The following MYCT1 variants were observed in gnomAD, a reference collection of about 807,000 sequenced individuals.
MYCT1 encodes the protein myc target protein 1.
A neutral mutation model predicts 15.0 loss-of-function variants in MYCT1; 12 were observed. The observed-to-expected ratio is 0.80, with a 90% CI of 0.51 to 1.29. The LOEUF (loss-of-function observed/expected upper bound fraction) is 1.29, where lower values mean the gene tolerates loss of function less well. Among genes scored for constraint, MYCT1 ranks in the 50% most tolerant of loss-of-function variants. The pLI, the probability that MYCT1 is intolerant of heterozygous loss-of-function variation, is 0.00. For synonymous variants in MYCT1, 104 were observed against 102.7 expected (o/e 1.01, Z -0.07); for missense variants, 287 against 279.1 (o/e 1.03, Z -0.20).
At chr6:152,739,418 T>C in the MYCT1 span, among the ~76,000 whole-genome samples, 3 of 151,898 alleles carry the variant, frequency 2.0e-5, no homozygotes, top group African/African-American at 4.8e-5. Context: ...TTGGTTTAAA[T>C]TGTGAATATT....
chr6:152,699,619 A>G (rs2099720983), intron 1 of MYCT1, among the ~76,000 whole-genome samples: 1 of 152,150 alleles, frequency 6.6e-6, no homozygotes, highest in African/African-American at 2.4e-5. Flanking sequence ...GTCTGTCTAA[A>G]TCAAATTCAT....
At chr6:152,701,585 G>A (rs755890342) in intron 1 of MYCT1, among the ~76,000 whole-genome samples, 1 of 152,030 alleles carries the variant, frequency 6.6e-6, no homozygotes, top group Non-Finnish European at 1.5e-5. Flanking sequence ...TGGGTGGAGG[G>A]GTGGAGGGGT....
rs567887166 is a variant in MYCT1, at chr6:152,722,674, G to T, written c.*421G>T. ...CACTTTAAAGAAAAATCTTCTAAGG[G>T]ATTTGGATTTTACTTTCTTTAGAAT... On this transcript the variant is annotated 3_prime_UTR_variant, in exon 2 of 2. Coordinates refer to ENST00000367245, the MANE Select transcript of MYCT1 (RefSeq NM_025107.3). The T allele has an allele frequency of 3.3e-5, 10 of 303,612 alleles. No individual in the cohort carries two copies. The East Asian group carries it at 9.8e-4, about 30-fold the overall frequency. The allele number at this position is 303,612 out of a possible 1,614,324, so 18.8% of individuals were successfully genotyped here.
chr6:152,700,563 G>A (rs1045254667), intron 1 of MYCT1, among the ~76,000 whole-genome samples: 1 of 152,130 alleles, frequency 6.6e-6, no homozygotes. Context: ...TTAAGTGCAA[G>A]GGTTGGCAAC....
chr6:152,702,585 T>C (rs1046003652), intron 1 of MYCT1, among the ~76,000 whole-genome samples: 2 of 152,080 alleles, frequency 1.3e-5, no homozygotes, highest in South Asian at 2.1e-4. Flanking sequence ...TTCTTTAGCC[T>C]GTAGAAAAAT....
At chr6:152,717,841 C>T (rs1044118126) in intron 1 of MYCT1, among the ~76,000 whole-genome samples, 112 of 133,494 alleles carry the variant, frequency 8.4e-4, no homozygotes, top group Non-Finnish European at 9.3e-5. Flanking sequence ...AAAAATTAAA[C>T]AAATCCATAT....
In MYCT1 at chr6:152,722,526, A is replaced by G; in HGVS notation, c.*273A>G. The G allele has an allele frequency of 2.9e-6, 1 of 347,564 alleles. No homozygotes were observed. The allele number at this position is 347,564 out of a possible 1,614,324, so 21.5% of individuals were successfully genotyped here. ...GAGGCTTATTAAAAATAGTGATTCT[A>G]ATGTAAGAATCAGCTAAGATGCATT... On this transcript the variant is annotated 3_prime_UTR_variant, in exon 2 of 2. Transcript: ENST00000367245.
downstream of MYCT1, among the ~76,000 whole-genome samples, chr6:152,728,358 G>A (rs1024882694): frequency 2.6e-5 from 4 of 152,100 alleles, no homozygotes; most frequent in African/African-American, 9.7e-5. Context: ...GGACTGTAGG[G>A]TATGATGGGA....
the MYCT1 span, among the ~76,000 whole-genome samples, chr6:152,742,291 G>A: frequency 2.0e-5 from 3 of 152,168 alleles, no homozygotes; most frequent in Non-Finnish European, 2.9e-5. Context: ...TGTAAGCTGA[G>A]ACCCGAAGGA....
chr6:152,704,667 C>T (rs562406723), intron 1 of MYCT1, among the ~76,000 whole-genome samples: 1 of 152,176 alleles, frequency 6.6e-6, no homozygotes, highest in South Asian at 2.1e-4. Flanking sequence ...TTTTCTCTTT[C>T]AGGATTACTT....
the MYCT1 span, among the ~76,000 whole-genome samples, chr6:152,746,239 T>A: frequency 6.6e-6 from 1 of 152,246 alleles, no homozygotes. Context: ...TTGCATGGAA[T>A]GTGTACAGTC....
At chr6:152,703,624 A>C in intron 1 of MYCT1, among the ~76,000 whole-genome samples, 1 of 152,210 alleles carries the variant, frequency 6.6e-6, no homozygotes, top group South Asian at 2.1e-4. Flanking sequence ...TTTAAAGTCA[A>C]GTTTACATAC....
Position 152,697,900 on chromosome 6 carries a change from T to A in MYCT1, c.-3T>A. 1 of 1,553,716 alleles carries A rather than the reference T, an allele frequency of 6.4e-7. No individual in the cohort carries two copies. The highest frequency in any genetic ancestry group is 8.7e-7 in the Non-Finnish European group (1 of 1,155,742). On this transcript the variant is annotated 5_prime_UTR_variant, in exon 1 of 2. Transcript: ENST00000367245. The stretch of plus-strand genomic sequence containing the variant: ...AGGAAACATGATACACTTATTTCCT[T>A]TTATGCGAACACAAGTATATGAGGG...
chr6:152,722,068 C>T lies in MYCT1; in HGVS notation c.523C>T (p.Pro175Ser), dbSNP rs2099724810. Residue 175 changes from proline to serine, a missense_variant, in exon 2 of 2, where the codon CCA becomes TCA. Physicochemically the swap from Pro to Ser is moderately conservative, Grantham distance 74. Transcript: ENST00000367245. ...TTTCCATCCCTTTCTGCAATGTCCA[C>T]CACTTCCTGTGGAAACTGAGAGTCA... ...STFHPFLQCP[P>S]LPVETESQLV... The T allele has an allele frequency of 2.5e-6, 4 of 1,614,048 alleles. No individual in the cohort carries two copies. The South Asian group carries it at 4.4e-5, about 18-fold the overall frequency.
At position 152,724,533 on chromosome 6, in the gene MYCT1, T is replaced by G. The variant is rs2099725287; in HGVS notation, c.*2280T>G. The G allele has an allele frequency of 6.6e-6, 1 of 152,170 alleles. No homozygotes were observed. The highest frequency in any genetic ancestry group is 6.5e-5 in the Admixed American group (1 of 15,288). The allele number at this position is 152,170 out of a possible 1,614,324, so 9.4% of individuals were successfully genotyped here. On this transcript the variant is annotated 3_prime_UTR_variant, in exon 2 of 2. Coordinates refer to ENST00000367245, the MANE Select transcript of MYCT1 (RefSeq NM_025107.3). ...TAATGTATTTCTTTAATTTGAAATG[T>G]TTTGTGGATTGTGAAATAAAAATAA... is the stretch of plus-strand genomic sequence containing the variant.
At chr6:152,744,763 T>A in the MYCT1 span, among the ~76,000 whole-genome samples, 1 of 152,086 alleles carries the variant, frequency 6.6e-6, no homozygotes, top group East Asian at 1.9e-4. Context: ...GTGTGGACGA[T>A]GTAGTCCATA....
At chr6:152,730,764 A>G in the MYCT1 span, among the ~76,000 whole-genome samples, 5 of 151,940 alleles carry the variant, frequency 3.3e-5, no homozygotes, top group Admixed American at 2.0e-4. Context: ...TTTTATATAA[A>G]CAACATTAGA....
chr6:152,705,969 A>G, intron 1 of MYCT1: 1 of 791,586 alleles, frequency 1.3e-6, no homozygotes, highest in Non-Finnish European at 2.3e-6. Context: ...TATTGACCCA[A>G]CAAAGATTGT....
chr6:152,718,054 A>G (rs368909583), intron 1 of MYCT1, among the ~76,000 whole-genome samples: 2 of 152,112 alleles, frequency 1.3e-5, no homozygotes, highest in East Asian at 3.9e-4. Flanking sequence ...TCATTTCCCC[A>G]AATTTTGGGC....
Sources: allele counts gnomAD v4.1 joint callset (sites outside exome capture counted in the v4.1 genomes callset), GRCh38; gene constraint gnomAD v4.1.1; transcripts MANE v1.5; gene names NCBI Gene and HGNC (gene_info 2026-07-23, HGNC 2026-07-21).